Variants in RYR2 observed in about 807,000 individuals in gnomAD.
RYR2 encodes cardiac muscle ryanodine receptor-calcium release channel.
In RYR2, 227 loss-of-function variants were observed where a neutral mutation model predicts 601.1. The ratio of observed to expected loss-of-function variants is 0.38; its 90% CI spans 0.34 to 0.42. The LOEUF (loss-of-function observed/expected upper bound fraction) is 0.42, where lower values mean the gene tolerates loss of function less well. RYR2 is among the 10% of genes least tolerant of loss of function. The pLI, the probability that RYR2 is intolerant of heterozygous loss-of-function variation, is 1.00. For missense variants in RYR2, 4,646 were observed against 6,156.5 expected, an observed-to-expected ratio of 0.75 and a Z score of 8.21; for synonymous variants, 2,223 against 2,175.1, an observed-to-expected ratio of 1.02 and a Z score of -0.61.
At chr1:237,546,823 A>C (rs973225400) in intron 25 of RYR2, among the ~76,000 whole-genome samples, 2 of 151,700 alleles carry the variant, frequency 1.3e-5, no homozygotes, top group East Asian at 3.9e-4. Context: ...CTGAATGCCT[A>C]CCATGTATTG....
rs201986107 is a variant in RYR2, at chr1:237,797,997, A to ATGGTTG, written c.13957-39_13957-34dup. The ATGGTTG allele has an allele frequency of 9.6e-3, 15,159 of 1,572,208 alleles. 106 individuals carry two copies. The highest frequency in any genetic ancestry group is 0.019 in the South Asian group (1,590 of 85,036). ...ACACACATATAGATGATGTTACTTA[A>ATGGTTG]TGGTTGAAGCCAACAAAATGCTTTT... On this transcript the variant is annotated intron_variant, in intron 96 of 104. Coordinates refer to ENST00000366574, the MANE Select transcript of RYR2 (RefSeq NM_001035.3).
In RYR2 at chr1:237,105,468, G is replaced by A. The variant is rs1003106670; in HGVS notation, c.48+62899G>A. On this transcript the variant is annotated intron_variant, in intron 1 of 104. Transcript: ENST00000366574. ...TCCCAGCATTTTGGAAGGCCAAGAC[G>A]GGCAGGTCACTTGAAGTCAGGAGTT... Among the ~76,000 whole-genome samples, 7 of 152,200 alleles carry A rather than the reference G, an allele frequency of 4.6e-5. No homozygotes were observed. In the South Asian group the frequency reaches 8.3e-4, roughly 18 times the overall value.
intron 2 of RYR2, among the ~76,000 whole-genome samples, chr1:237,314,024 CAA>C (rs373360513): frequency 6.8e-5 from 3 of 43,864 alleles, no homozygotes; most frequent in Admixed American, 3.8e-4. Flanking sequence ...AGAAACTCAG[CAA>C]AAAAAAAAAA....
intron 84 of RYR2, among the ~76,000 whole-genome samples, chr1:237,763,348 C>T (rs1013135482): frequency 3.9e-5 from 6 of 152,130 alleles, no homozygotes; most frequent in Non-Finnish European, 8.8e-5. Flanking sequence ...CACGGGAAAT[C>T]GGTGACAGAT....
At chr1:237,345,113 G>T (rs763614013) in intron 3 of RYR2, among the ~76,000 whole-genome samples, 1 of 152,006 alleles carries the variant, frequency 6.6e-6, no homozygotes, top group South Asian at 2.1e-4. Flanking sequence ...CCAGCCTGTA[G>T]TAAGTTTTGA....
rs372627530 is a variant in RYR2 at position 237,773,682 on chromosome 1, C to T, written c.11775+34C>T. 42 of 1,588,810 alleles carry T rather than the reference C, an allele frequency of 2.6e-5. 1 individual carries two copies. The African/African-American group carries it at 5.6e-4, about 21-fold the overall frequency. On this transcript the variant is annotated intron_variant, in intron 87 of 104. Transcript: ENST00000366574. ...TTAAACATGGCTGCTATCTGTAGCA[C>T]TGAACTCCATAGAAAAATGCAGTAT...
At chr1:237,641,461 G>GTGTC (rs201068110) in intron 47 of RYR2, among the ~76,000 whole-genome samples, 3 of 82,388 alleles carry the variant, frequency 3.6e-5, no homozygotes, top group African/African-American at 7.6e-5. Context: ...ATATAAATTA[G>GTGTC]TGTCTGTCTG....
intron 17 of RYR2, among the ~76,000 whole-genome samples, chr1:237,481,203 T>C (rs1440774576): frequency 6.6e-6 from 1 of 151,572 alleles, no homozygotes; most frequent in African/African-American, 2.4e-5. Flanking sequence ...TAGAGTAATG[T>C]ATTTATTTCA....
intron 17 of RYR2, among the ~76,000 whole-genome samples, chr1:237,481,945 T>C (rs943786478): frequency 2.6e-5 from 4 of 152,134 alleles, no homozygotes; most frequent in African/African-American, 9.7e-5. Flanking sequence ...TTTTTCATGA[T>C]GTTGGTTTCG....
intron 1 of RYR2, among the ~76,000 whole-genome samples, chr1:237,256,083 AG>A (rs1231209490): frequency 2.0e-5 from 3 of 151,992 alleles, no homozygotes; most frequent in Non-Finnish European, 2.9e-5. Flanking sequence ...ATGTTGTGGG[AG>A]GGACTCAGTG....
intron 2 of RYR2, among the ~76,000 whole-genome samples, chr1:237,301,160 A>C (rs1693311828): frequency 6.6e-6 from 1 of 152,138 alleles, no homozygotes; most frequent in Admixed American, 6.6e-5. Flanking sequence ...TAATTAACAG[A>C]CTTTAAAAAC....
chr1:237,081,802 A>G (rs376206615), intron 1 of RYR2, among the ~76,000 whole-genome samples: 22 of 152,192 alleles, frequency 1.4e-4, no homozygotes, highest in African/African-American at 4.3e-4. Flanking sequence ...TTTACTCATG[A>G]AAAGTCTTCA....
At chr1:237,198,079 G>A (rs997946779) in intron 1 of RYR2, among the ~76,000 whole-genome samples, 13 of 152,228 alleles carry the variant, frequency 8.5e-5, no homozygotes, top group Non-Finnish European at 1.6e-4. Context: ...CAGATGGGGG[G>A]AAATTCAAGT....
chr1:237,235,944 A>G (rs1392161306), intron 1 of RYR2, among the ~76,000 whole-genome samples: 1 of 152,204 alleles, frequency 6.6e-6, no homozygotes, highest in African/African-American at 2.4e-5. Flanking sequence ...TTGGATGACA[A>G]CATTGTTCTA....
At chr1:237,677,112 G>T (rs61832670) in intron 60 of RYR2, among the ~76,000 whole-genome samples, 31,656 of 151,942 alleles carry the variant, frequency 0.21, 4,325 homozygotes, top group East Asian at 0.6. Flanking sequence ...AAATTATATT[G>T]TATTTTTGTC....
chr1:237,681,444 G>A (rs994528813), intron 62 of RYR2, among the ~76,000 whole-genome samples: 2 of 152,060 alleles, frequency 1.3e-5, no homozygotes, highest in African/African-American at 4.8e-5. Flanking sequence ...GTAACACTGG[G>A]GAATGCAGCT....
intron 1 of RYR2, among the ~76,000 whole-genome samples, chr1:237,085,299 A>G (rs10925307): frequency 0.04 from 6,067 of 152,258 alleles, 379 homozygotes; most frequent in African/African-American, 0.13. Flanking sequence ...ACCGTGACTT[A>G]TCAAAAGGAG....
chr1:237,060,620 A>C (rs1395863826), intron 1 of RYR2, among the ~76,000 whole-genome samples: 2 of 152,214 alleles, frequency 1.3e-5, no homozygotes, highest in African/African-American at 4.8e-5. Flanking sequence ...CTAGAAAAAT[A>C]AATTAATTCG....
intron 42 of RYR2, 63 bp from the exon 43 acceptor site, chr1:237,633,515 G>C: frequency 6.2e-7 from 1 of 1,600,318 alleles, no homozygotes; most frequent in East Asian, 2.2e-5. Flanking sequence ...AGACCTCAAC[G>C]TATGAACTCA....
Sources: allele counts gnomAD v4.1 joint callset (sites outside exome capture counted in the v4.1 genomes callset), GRCh38; gene constraint gnomAD v4.1.1; transcripts MANE v1.5; gene names NCBI Gene and HGNC (gene_info 2026-07-23, HGNC 2026-07-21).